SLC9A9: variants seen among roughly 807,000 people sequenced by gnomAD.
The protein encoded by SLC9A9 is sodium/hydrogen exchanger 9.
In SLC9A9, 62 loss-of-function variants were observed where a neutral mutation model predicts 77.8. The ratio of observed to expected loss-of-function variants is 0.80; its 90% confidence interval spans 0.65 to 0.98. The LOEUF (loss-of-function observed/expected upper bound fraction) is 0.98, where lower values mean the gene tolerates loss of function less well. Ranked by LOEUF, SLC9A9 falls within the 50% of genes least tolerant of loss-of-function variation. The pLI, the probability that SLC9A9 is intolerant of heterozygous loss-of-function variation, is 0.00. For missense variants in SLC9A9, 775 were observed against 774.9 expected (o/e 1.00, Z 0.00); for synonymous variants, 320 against 283.5 (o/e 1.13, Z -1.29).
In SLC9A9 at chr3:143,341,615, A is replaced by G. The variant is rs573923710; in HGVS notation, c.1604+21869T>C. ...GAATAACATTAGCTTCAGATACCAA[A>G]TTGCAAGTTAAACTTCCTGAGGATT... On this transcript the variant is annotated intron_variant, in intron 14 of 15. Coordinates refer to ENST00000316549, the MANE Select transcript of SLC9A9 (RefSeq NM_173653.4). Among the ~76,000 whole-genome samples the G allele has an allele frequency of 5.9e-5, 9 of 152,314 alleles. No homozygotes were observed. In the East Asian group the frequency reaches 1.7e-3, roughly 29 times the overall value.
intron 12 of SLC9A9, among the ~76,000 whole-genome samples, chr3:143,431,743 C>T (rs1462550656): frequency 2.0e-5 from 3 of 151,968 alleles, no homozygotes; most frequent in African/African-American, 4.8e-5. Context: ...AGTGAAAGGC[C>T]GAGTCCTTAC....
intron 12 of SLC9A9, among the ~76,000 whole-genome samples, chr3:143,404,034 A>G (rs1170027285): frequency 6.6e-6 from 1 of 151,994 alleles, no homozygotes; most frequent in Non-Finnish European, 1.5e-5. Context: ...CTGATTATAT[A>G]CTTTCTAATG....
At chr3:143,682,786 C>G (rs1017648558) in intron 5 of SLC9A9, among the ~76,000 whole-genome samples, 26 of 152,234 alleles carry the variant, frequency 1.7e-4, no homozygotes, top group African/African-American at 6.3e-4. Context: ...TCAAAGTCAG[C>G]AACATTATAT....
At chr3:143,725,991 C>T (rs969871518) in intron 4 of SLC9A9, among the ~76,000 whole-genome samples, 18 of 151,972 alleles carry the variant, frequency 1.2e-4, no homozygotes, top group Non-Finnish European at 2.5e-4. Flanking sequence ...CACCTTACCA[C>T]ATAGCCTTAT....
chr3:143,760,794 C>T (rs1486974375), intron 4 of SLC9A9, among the ~76,000 whole-genome samples: 2 of 152,092 alleles, frequency 1.3e-5, no homozygotes, highest in Non-Finnish European at 2.9e-5. Flanking sequence ...TCAATGCCAT[C>T]CCCATCAAGC....
At chr3:143,674,652 A>G (rs78301752) in intron 5 of SLC9A9, among the ~76,000 whole-genome samples, 2,453 of 152,042 alleles carry the variant, frequency 0.016, 64 homozygotes, top group African/African-American at 0.056. Context: ...AGAGGATACT[A>G]CTCCCAGAGG....
intron 14 of SLC9A9, among the ~76,000 whole-genome samples, chr3:143,339,891 T>G (rs1438493884): frequency 6.6e-6 from 1 of 152,180 alleles, no homozygotes; most frequent in African/African-American, 2.4e-5. Context: ...AGGATGCTAC[T>G]GCCCGAATGA....
chr3:143,289,936 G>A (rs539541869), intron 14 of SLC9A9, among the ~76,000 whole-genome samples: 1 of 152,282 alleles, frequency 6.6e-6, no homozygotes, highest in Admixed American at 6.5e-5. Flanking sequence ...CCTGAGACAT[G>A]TCTCCTTCGT....
intron 4 of SLC9A9, among the ~76,000 whole-genome samples, chr3:143,790,601 TAG>T (rs1336255872): frequency 3.3e-5 from 5 of 152,240 alleles, no homozygotes; most frequent in African/African-American, 1.2e-4. Flanking sequence ...GCATGTGTTC[TAG>T]AGTCAGACTG....
intron 2 of SLC9A9, among the ~76,000 whole-genome samples, chr3:143,801,700 G>T (rs1435523346): frequency 6.6e-6 from 1 of 152,148 alleles, no homozygotes; most frequent in Non-Finnish European, 1.5e-5. Context: ...GGCAGGCTAT[G>T]CTATATATCT....
chr3:143,812,593 G>T (rs1282686394), intron 2 of SLC9A9, among the ~76,000 whole-genome samples: 2 of 152,178 alleles, frequency 1.3e-5, no homozygotes, highest in African/African-American at 4.8e-5. Flanking sequence ...CTTGTAGTCA[G>T]GTGGGACCAT....
intron 9 of SLC9A9, among the ~76,000 whole-genome samples, chr3:143,537,966 A>G (rs904842476): frequency 5.9e-5 from 9 of 152,200 alleles, no homozygotes; most frequent in African/African-American, 2.2e-4. Context: ...CTTTTCACAC[A>G]TATATCACTA....
intron 12 of SLC9A9, among the ~76,000 whole-genome samples, chr3:143,441,639 C>T (rs1456374411): frequency 6.6e-6 from 1 of 151,562 alleles, no homozygotes; most frequent in Admixed American, 6.6e-5. Context: ...AAGAAAAAAA[C>T]CTTGTTATCT....
chr3:143,556,757 T>C (rs920049237), intron 8 of SLC9A9, among the ~76,000 whole-genome samples: 28 of 152,240 alleles, frequency 1.8e-4, no homozygotes, highest in African/African-American at 6.8e-4. Context: ...TTTCTTTTTT[T>C]CTGAGTCAAT....
intron 4 of SLC9A9, among the ~76,000 whole-genome samples, chr3:143,757,123 A>C (rs926079763): frequency 6.6e-6 from 1 of 152,146 alleles, no homozygotes; most frequent in Non-Finnish European, 1.5e-5. Context: ...CTTGTAAACT[A>C]TGGTAGAGAT....
Position 143,502,376 on chromosome 3 carries a change from T to C in SLC9A9, c.1090-6928A>G, listed in dbSNP as rs1018566325. ...TGAACGCTCATGGTAACCATTCATA[T>C]GTTAATTAAGTGACTTAATCTAGTT... On this transcript the variant is annotated intron_variant, in intron 9 of 15. Coordinates refer to ENST00000316549, the MANE Select transcript of SLC9A9 (RefSeq NM_173653.4). 2.0e-5 allele frequency among the ~76,000 whole-genome samples: 3 copies of C among 152,336 alleles called. No homozygotes were observed. The East Asian group carries it at 5.8e-4, about 29-fold the overall frequency.
intron 9 of SLC9A9, 27 bp downstream of exon 9, chr3:143,552,335 A>G (rs2036904682): frequency 2.6e-6 from 4 of 1,545,474 alleles, no homozygotes; most frequent in Middle Eastern, 1.7e-4. Context: ...AAAAGAGACC[A>G]AGTCTGTAGT....
chr3:143,721,432 A>G (rs540950654), intron 4 of SLC9A9, among the ~76,000 whole-genome samples: 1 of 151,498 alleles, frequency 6.6e-6, no homozygotes, highest in Non-Finnish European at 1.5e-5. Flanking sequence ...TGGAATAAAC[A>G]CTTCGAAGTG....
intron 1 of SLC9A9, among the ~76,000 whole-genome samples, chr3:143,841,878 C>T (rs1054781276): frequency 5.9e-5 from 9 of 152,082 alleles, no homozygotes; most frequent in Admixed American, 1.3e-4. Flanking sequence ...CTCGGCCTCC[C>T]GAGTAGCTCG....
Sources: gnomAD v4.1 joint callset for allele counts (sites outside exome capture counted in the v4.1 genomes callset) on GRCh38, gnomAD v4.1.1 for gene constraint, MANE v1.5 for transcripts, NCBI Gene and HGNC (gene_info 2026-07-23, HGNC 2026-07-21) for gene names.